Variants in PXK observed in about 807,000 individuals in gnomAD.
PXK encodes the protein PX domain-containing protein kinase-like protein.
PXK carries 35 observed loss-of-function variants against 84.7 expected under a neutral mutation model. The ratio of observed to expected loss-of-function variants is 0.41; its 90% CI spans 0.32 to 0.55. The LOEUF (loss-of-function observed/expected upper bound fraction) is 0.55. PXK is among the 20% of genes least tolerant of loss of function. The pLI, the probability that PXK is intolerant of heterozygous loss-of-function variation, is 0.21. For missense variants in PXK, 634 were observed against 699.7 expected (o/e 0.91, Z 1.06); for synonymous variants, 253 against 260.8 (o/e 0.97, Z 0.29).
chr3:58,354,352 G>A (rs751523227), intron 1 of PXK, among the ~76,000 whole-genome samples: 28 of 152,186 alleles, frequency 1.8e-4, no homozygotes, highest in African/African-American at 2.6e-4. Context: ...ATGGGTGAGA[G>A]TAGAGGAGAT....
At chr3:58,336,054 TA>T (rs1559828405) in intron 1 of PXK, among the ~76,000 whole-genome samples, 13 of 53,112 alleles carry the variant, frequency 2.4e-4, no homozygotes, top group African/African-American at 1.6e-3. Context: ...TATATATATA[TA>T]TATATATATA....
intron 1 of PXK, among the ~76,000 whole-genome samples, chr3:58,346,781 C>T (rs6796069): frequency 0.31 from 46,424 of 147,686 alleles, 8,907 homozygotes; most frequent in East Asian, 0.83. Flanking sequence ...CTTCAGCCTC[C>T]TGAGTAACTA....
chr3:58,417,168 T>C (rs2061103679), intron 17 of PXK, among the ~76,000 whole-genome samples: 1 of 152,168 alleles, frequency 6.6e-6, no homozygotes. Context: ...AGCCTCCAAA[T>C]TGCTGGGATT....
In PXK at chr3:58,384,726, G is replaced by T. The variant is rs149044790; in HGVS notation, c.388+2026G>T. Reference sequence around the variant, plus strand: ...TGCGAGTGCTTGCTAATGTTCTCCTGAGGGCAAGCATCAAGGTGTAGTGCA... The same window carrying T: ...TGCGAGTGCTTGCTAATGTTCTCCTTAGGGCAAGCATCAAGGTGTAGTGCA... On this transcript the variant is annotated intron_variant, in intron 4 of 17. Coordinates refer to ENST00000356151, the MANE Select transcript of PXK (RefSeq NM_017771.5). 2.8e-3 allele frequency among the ~76,000 whole-genome samples: 419 copies of T among 152,276 alleles called. 2 individuals carry two copies. Among genetic ancestry groups the T allele is most frequent in the African/African-American group, 9.3e-3 (385 of 41,538 alleles).
chr3:58,388,349 A>G (rs1476018711), intron 4 of PXK, among the ~76,000 whole-genome samples: 1 of 152,176 alleles, frequency 6.6e-6, no homozygotes, highest in Admixed American at 6.5e-5. Flanking sequence ...CTGAATAATG[A>G]TTTTGTAGGG....
At chr3:58,394,909 G>A (rs746235163) in intron 7 of PXK, 89 bp from the exon 8 acceptor site, 16 of 927,008 alleles carry the variant, frequency 1.7e-5, no homozygotes, top group Non-Finnish European at 2.8e-5. Flanking sequence ...CCACCACAGT[G>A]CTACTTGACT....
chr3:58,415,370 C>G (rs1297692367), intron 17 of PXK, among the ~76,000 whole-genome samples: 1 of 152,186 alleles, frequency 6.6e-6, no homozygotes, highest in Non-Finnish European at 1.5e-5. Context: ...AGTAGGAGTT[C>G]CCACCGTTAA....
chr3:58,367,949 T>G (rs897542784), intron 2 of PXK, among the ~76,000 whole-genome samples: 1 of 152,224 alleles, frequency 6.6e-6, no homozygotes, highest in East Asian at 1.9e-4. Context: ...CCTCCCAAAG[T>G]GCTGGGATTG....
chr3:58,395,665 C>T lies in PXK; in HGVS notation c.728C>T (p.Pro243Leu). The change falls in exon 9 of 18, where the codon CCA becomes CTA. Residue 243 changes from proline (P) to leucine (L), a missense_variant. By Grantham distance (98) the Pro-to-Leu change is moderately conservative (BLOSUM62 -3). Coordinates refer to ENST00000356151, the MANE Select transcript of PXK (RefSeq NM_017771.5). ...CTTTGTTCTTTTCCAAAGGCAAAAC[C>T]AAAAGACCCATTTCTAAAGAAGTAC... ...TLKDLIYKAK[P>L]KDPFLKKYCN... The T allele has an allele frequency of 6.2e-7, 1 of 1,611,882 alleles. No individual in the cohort carries two copies. The highest frequency in any genetic ancestry group is 8.5e-7 in the Non-Finnish European group (1 of 1,178,872).
At chr3:58,356,254 G>C (rs891989537) in intron 1 of PXK, among the ~76,000 whole-genome samples, 2 of 152,176 alleles carry the variant, frequency 1.3e-5, no homozygotes, top group African/African-American at 4.8e-5. Flanking sequence ...GTCAAGAGGA[G>C]GGGCAGAAAG....
At chr3:58,343,084 A>C (rs2097764961) in intron 1 of PXK, among the ~76,000 whole-genome samples, 2 of 152,068 alleles carry the variant, frequency 1.3e-5, no homozygotes, top group Non-Finnish European at 1.5e-5. Flanking sequence ...AAGTGAATGG[A>C]GTGTTGGTAT....
chr3:58,343,548 C>T (rs1410004237), intron 1 of PXK, among the ~76,000 whole-genome samples: 3 of 152,228 alleles, frequency 2.0e-5, no homozygotes, highest in Admixed American at 1.3e-4. Context: ...GCTCTAGGGG[C>T]TCATGCTGTT....
intron 17 of PXK, among the ~76,000 whole-genome samples, chr3:58,420,201 C>T (rs1198349186): frequency 6.6e-6 from 1 of 152,226 alleles, no homozygotes; most frequent in Non-Finnish European, 1.5e-5. Context: ...ACCTTCATGG[C>T]TTTTCTGAAG....
chr3:58,373,141 C>T (rs897310371), intron 3 of PXK, among the ~76,000 whole-genome samples: 2 of 148,918 alleles, frequency 1.3e-5, no homozygotes, highest in Non-Finnish European at 3.0e-5. Flanking sequence ...TGCAGTGGTG[C>T]ATCTCTGCTC....
In PXK at chr3:58,333,048, G is replaced by A; in HGVS notation, c.60G>A (p.Leu20=). ...GKVLLDDTVP[L]TAAIEASQSL... ...TGCTGCTGGACGACACGGTGCCGCT[G>A]ACAGCAGCCATCGAGGCGAGCCAGA... The change falls in exon 1 of 18, where the codon CTG becomes CTA. Residue 20 remains leucine, a synonymous_variant. Transcript: ENST00000356151. The surrounding 1 kb of genome is among the most constrained non-coding windows in gnomAD (Gnocchi z 5.4). 1 of 1,346,378 alleles carries A rather than the reference G, an allele frequency of 7.4e-7. No homozygotes were observed. Among genetic ancestry groups the A allele is most frequent in the Non-Finnish European group, 9.7e-7 (1 of 1,034,698 alleles). The allele number at this position is 1,346,378 out of a possible 1,614,324, so 83.4% of individuals were successfully genotyped here.
At chr3:58,374,235 G>A (rs2108606237) in intron 3 of PXK, among the ~76,000 whole-genome samples, 1 of 148,968 alleles carries the variant, frequency 6.7e-6, no homozygotes, top group East Asian at 2.0e-4. Flanking sequence ...AGTGAGCCGA[G>A]ATCGTGCTCA....
At chr3:58,422,334 T>C (rs899258034) in intron 17 of PXK, 53 of 985,220 alleles carry the variant, frequency 5.4e-5, no homozygotes, top group Non-Finnish European at 6.4e-5. Flanking sequence ...TGGTTGTACA[T>C]AAGAGCCACC....
intron 1 of PXK, among the ~76,000 whole-genome samples, chr3:58,342,423 G>C (rs965780611): frequency 1.4e-4 from 21 of 151,678 alleles, no homozygotes; most frequent in African/African-American, 4.6e-4. Flanking sequence ...TAGGTGGATG[G>C]CTTGAGTTCA....
At chr3:58,335,225 GT>G (rs1376428615) in intron 1 of PXK, among the ~76,000 whole-genome samples, 1 of 152,138 alleles carries the variant, frequency 6.6e-6, no homozygotes, top group Non-Finnish European at 1.5e-5. Flanking sequence ...GAAAATGGCA[GT>G]TCTTGTAGGG....
Sources: gnomAD v4.1 joint callset for allele counts (sites outside exome capture counted in the v4.1 genomes callset) on GRCh38, gnomAD v4.1.1 for gene constraint, Gnocchi (gnomAD v3.1) non-coding constraint, MANE v1.5 for transcripts, NCBI Gene and HGNC (gene_info 2026-07-23, HGNC 2026-07-21) for gene names.